Variants in CHST11 observed in about 807,000 individuals in gnomAD.
CHST11 encodes carbohydrate sulfotransferase 11.
Under a neutral mutation model 30.4 loss-of-function variants are expected in CHST11, and 9 were observed. That is an observed-to-expected ratio of 0.30 (90% CI 0.18 to 0.52). The LOEUF is 0.52. Among genes scored for constraint, CHST11 ranks in the 20% least tolerant of loss-of-function variants. The pLI is 0.97. For synonymous variants in CHST11, 152 were observed against 187.8 expected, an observed-to-expected ratio of 0.81 and a Z score of 1.56; for missense variants, 348 against 460.6, an observed-to-expected ratio of 0.76 and a Z score of 2.24.
chr12:104,570,384 T>G (rs184878994), intron 1 of CHST11, among the ~76,000 whole-genome samples: 2 of 152,236 alleles, frequency 1.3e-5, no homozygotes, highest in Non-Finnish European at 2.9e-5. Context: ...CCTTCCACAC[T>G]CCAGCAGATC....
intron 1 of CHST11, among the ~76,000 whole-genome samples, chr12:104,483,124 C>T (rs2037643320): frequency 6.6e-6 from 1 of 152,164 alleles, no homozygotes; most frequent in Non-Finnish European, 1.5e-5. Context: ...ACATGCTCAC[C>T]CTTCACACCC....
At chr12:104,471,302 A>G (rs113644497) in intron 1 of CHST11, among the ~76,000 whole-genome samples, 1,665 of 152,314 alleles carry the variant, frequency 0.011, 36 homozygotes, top group African/African-American at 0.038. Context: ...CTCAGTAACT[A>G]TTTGCTAAAA....
intron 1 of CHST11, among the ~76,000 whole-genome samples, chr12:104,575,697 G>A (rs528553285): frequency 2.6e-5 from 4 of 152,202 alleles, no homozygotes; most frequent in African/African-American, 9.6e-5. Context: ...TGAGCCAGCT[G>A]TCAGGGTAAA....
intron 2 of CHST11, among the ~76,000 whole-genome samples, chr12:104,706,356 C>T (rs1012886406): frequency 2.1e-5 from 3 of 143,524 alleles, no homozygotes; most frequent in Non-Finnish European, 4.5e-5. Context: ...TGCACTCCAG[C>T]CTGGGCAACA....
At chr12:104,498,980 A>G (rs1167811843) in intron 1 of CHST11, among the ~76,000 whole-genome samples, 1 of 152,168 alleles carries the variant, frequency 6.6e-6, no homozygotes, top group Non-Finnish European at 1.5e-5. Context: ...CAGAATGGCT[A>G]CCACTCTACC....
At chr12:104,482,171 C>T (rs1482734113) in intron 1 of CHST11, among the ~76,000 whole-genome samples, 2 of 151,588 alleles carry the variant, frequency 1.3e-5, no homozygotes, top group Non-Finnish European at 2.9e-5. Flanking sequence ...GAATGTATGG[C>T]TCTTTTTTTT....
chr12:104,490,538 CA>C (rs1162283426), intron 1 of CHST11, among the ~76,000 whole-genome samples: 2 of 152,234 alleles, frequency 1.3e-5, no homozygotes, highest in African/African-American at 4.8e-5. Flanking sequence ...CCTGAGCTTA[CA>C]CCATTCCCAG....
In CHST11 at chr12:104,601,984, C is replaced by T; in HGVS notation, c.197C>T (p.Pro66Leu). ...SRSPLQELYN[P>L]IQLELSNTAV... ...AGCCCCCTGCAGGAACTCTACAACC[C>T]AATCCAGGTAAGCTTCAAGCACTCT... Residue 66 changes from proline to leucine, a missense_variant, in exon 2 of 3, where the codon CCA becomes CTA. Physicochemically the swap from Pro to Leu is moderately conservative, Grantham distance 98. This residue lies in a region of CHST11 where 135 missense variants were observed against 155.8 expected (regional missense o/e 0.87). Coordinates refer to ENST00000303694, the MANE Select transcript of CHST11 (RefSeq NM_018413.6). 6.2e-7 allele frequency: 1 copy of T among 1,612,936 alleles called. No homozygotes were observed. Among genetic ancestry groups the T allele is most frequent in the Non-Finnish European group, 8.5e-7 (1 of 1,179,184 alleles).
At chr12:104,722,020 G>T (rs537085323) in intron 2 of CHST11, among the ~76,000 whole-genome samples, 1 of 152,180 alleles carries the variant, frequency 6.6e-6, no homozygotes, top group South Asian at 2.1e-4. Context: ...ACAGGGTCTT[G>T]CTCTGTCACC....
At chr12:104,488,716 T>G (rs2037714456) in intron 1 of CHST11, among the ~76,000 whole-genome samples, 1 of 148,400 alleles carries the variant, frequency 6.7e-6, no homozygotes, top group Non-Finnish European at 1.5e-5. Context: ...TGTGTATGTG[T>G]GCGTGTATGT....
At position 104,676,929 on chromosome 12, in the gene CHST11, A is replaced by AG. The variant is rs1436228765; in HGVS notation, c.204+74942dup. Among the ~76,000 whole-genome samples, 6 of 152,142 alleles carry AG rather than the reference A, an allele frequency of 3.9e-5. No individual in the cohort carries two copies. Among genetic ancestry groups the AG allele is most frequent in the Admixed American group, 2.0e-4 (3 of 15,278 alleles). On this transcript the variant is annotated intron_variant, in intron 2 of 2. Coordinates refer to ENST00000303694, the MANE Select transcript of CHST11 (RefSeq NM_018413.6). The surrounding 1 kb of genome is among the most constrained non-coding windows in gnomAD (Gnocchi z 4.4). ...GGTGCTGGCACATTCTTGTTTCTAT[A>AG]GGGGCTGTGTGGTGTGGGCCCCATC...
intron 2 of CHST11, among the ~76,000 whole-genome samples, chr12:104,706,613 C>T (rs542575365): frequency 4.4e-4 from 67 of 152,238 alleles, no homozygotes; most frequent in Non-Finnish European, 6.0e-4. Context: ...GAGGCAGCCC[C>T]CAGCCTTGAA....
At chr12:104,596,559 C>T (rs1470337443) in intron 1 of CHST11, among the ~76,000 whole-genome samples, 1 of 127,914 alleles carries the variant, frequency 7.8e-6, no homozygotes, top group Non-Finnish European at 1.6e-5. Flanking sequence ...AATAAACAGA[C>T]GTGGGTTGTC....
intron 2 of CHST11, among the ~76,000 whole-genome samples, chr12:104,737,714 T>C (rs987411338): frequency 3.9e-5 from 6 of 152,182 alleles, no homozygotes; most frequent in African/African-American, 9.7e-5. Flanking sequence ...CCTGTGGTTT[T>C]GATGTTTTTC....
At chr12:104,494,314 C>G (rs1441022394) in intron 1 of CHST11, among the ~76,000 whole-genome samples, 1 of 152,228 alleles carries the variant, frequency 6.6e-6, no homozygotes, top group Non-Finnish European at 1.5e-5. Context: ...CCCCTCTGGC[C>G]TTGGCCTCTT....
intron 2 of CHST11, among the ~76,000 whole-genome samples, chr12:104,653,050 T>C (rs554448629): frequency 1.1e-4 from 16 of 152,206 alleles, no homozygotes; most frequent in Admixed American, 2.0e-4. Flanking sequence ...TGTACAGTTC[T>C]GTAGAGCTCA....
intron 2 of CHST11, among the ~76,000 whole-genome samples, chr12:104,696,129 T>C (rs912227088): frequency 1.3e-5 from 2 of 152,148 alleles, no homozygotes; most frequent in African/African-American, 4.8e-5. Flanking sequence ...CCCTTTGCTG[T>C]GCAAAGAGCA....
chr12:104,492,030 T>C (rs191238546), intron 1 of CHST11, among the ~76,000 whole-genome samples: 1 of 152,346 alleles, frequency 6.6e-6, no homozygotes, highest in East Asian at 1.9e-4. Context: ...TCTTAGCTCG[T>C]ATACCTCCTT....
At chr12:104,612,460 A>T (rs2039069161) in intron 2 of CHST11, among the ~76,000 whole-genome samples, 1 of 152,222 alleles carries the variant, frequency 6.6e-6, no homozygotes, top group African/African-American at 2.4e-5. Context: ...GACACCTGTC[A>T]TATTGGAGTA....
Sources: allele counts gnomAD v4.1 joint callset (sites outside exome capture counted in the v4.1 genomes callset), GRCh38; gene constraint gnomAD v4.1.1; regional missense constraint gnomAD v4.1.1; non-coding constraint Gnocchi (gnomAD v3.1); transcripts MANE v1.5; gene names NCBI Gene and HGNC (gene_info 2026-07-23, HGNC 2026-07-21).